POMT2: variants seen among roughly 807,000 people sequenced by gnomAD.
POMT2 encodes protein O-mannosyltransferase 2.
A neutral mutation model predicts 100.0 loss-of-function variants in POMT2; 75 were observed. That is an observed-to-expected ratio of 0.75 (90% CI 0.62 to 0.91). POMT2 has a LOEUF of 0.91. Ranked by LOEUF, POMT2 falls within the 40% of genes least tolerant of loss-of-function variation. POMT2 has a pLI of 0.00. For missense variants in POMT2, 940 were observed against 955.1 expected, an observed-to-expected ratio of 0.98 and a Z score of 0.21; for synonymous variants, 378 against 374.1, an observed-to-expected ratio of 1.01 and a Z score of -0.12.
chr14:77,290,508 T>G (rs1768241213), intron 10 of POMT2, among the ~76,000 whole-genome samples: 1 of 152,202 alleles, frequency 6.6e-6, no homozygotes. Context: ...GCAGCTGAGC[T>G]GGGATAGGCT....
intron 8 of POMT2, chr14:77,296,530 G>T: frequency 2.0e-6 from 1 of 502,366 alleles, no homozygotes; most frequent in South Asian, 2.4e-5. Flanking sequence ...AAAGCACTAC[G>T]TGTAACAGCA....
chr14:77,286,713 C>A (rs148993078), intron 12 of POMT2, 31 bp downstream of exon 12: 27 of 1,613,662 alleles, frequency 1.7e-5, no homozygotes, highest in Non-Finnish European at 2.3e-5. Flanking sequence ...ATAACTTTTA[C>A]GTCCTACTCA....
chr14:77,292,722 T>TATAC (rs1409789232), intron 9 of POMT2, among the ~76,000 whole-genome samples: 1 of 152,386 alleles, frequency 6.6e-6, no homozygotes, highest in East Asian at 1.9e-4. Flanking sequence ...ATATTTTTAC[T>TATAC]ATACCATTTC....
intron 2 of POMT2, among the ~76,000 whole-genome samples, chr14:77,308,152 G>A (rs1370576447): frequency 6.6e-6 from 1 of 151,008 alleles, no homozygotes; most frequent in Non-Finnish European, 1.5e-5. Context: ...GAGCCACCAC[G>A]CCTGGCCCCA....
At chr14:77,295,215 G>A (rs544097586) in intron 9 of POMT2, among the ~76,000 whole-genome samples, 1 of 152,252 alleles carries the variant, frequency 6.6e-6, no homozygotes, top group East Asian at 1.9e-4. Context: ...ACACAGCATC[G>A]TTCACTCATT....
At chr14:77,304,554 T>C in intron 4 of POMT2, 138 bp downstream of exon 4, 1 of 1,381,146 alleles carries the variant, frequency 7.2e-7, no homozygotes, top group Non-Finnish European at 9.9e-7. Context: ...TGAATGAGAT[T>C]TGTAGTACAT....
chr14:77,311,884 T>C (rs1891444580), intron 2 of POMT2, 65 bp downstream of exon 2: 3 of 1,576,732 alleles, frequency 1.9e-6, no homozygotes, highest in Middle Eastern at 3.4e-4. Context: ...AAAATCAAGA[T>C]GTGGCTCCAG....
Position 77,275,472 on chromosome 14 carries a change from C to G in POMT2, c.*1904G>C, listed in dbSNP as rs1291403214. 1 of 152,270 alleles carries G rather than the reference C, an allele frequency of 6.6e-6. No individual in the cohort carries two copies. The highest frequency in any genetic ancestry group is 1.5e-5 in the Non-Finnish European group (1 of 68,124). The allele number at this position is 152,270 out of a possible 1,614,324, so 9.4% of individuals were successfully genotyped here. The stretch of plus-strand genomic sequence containing the variant: ...GTTCCTACTGAGAAATAAGAAGGCA[C>G]AAAGGAAAATCAGCCACCTCCTGGA... On this transcript the variant is annotated 3_prime_UTR_variant, in exon 21 of 21. Transcript: ENST00000261534.
Position 77,302,959 on chromosome 14 carries a change from T to A in POMT2, c.548-16A>T. On this transcript the variant is annotated splice_polypyrimidine_tract_variant and intron_variant, in intron 4 of 20. Transcript: ENST00000261534. ...CATCCCGTGTCTGAAAAACATGAGC[T>A]CGCTGGTGAAAAAGCGAGGTAAGAG... 1 of 1,593,030 alleles carries A rather than the reference T, an allele frequency of 6.3e-7. No homozygotes were observed. The highest frequency in any genetic ancestry group is 2.2e-5 in the East Asian group (1 of 44,476).
chr14:77,278,326 G>T, intron 20 of POMT2, 68 bp downstream of exon 20: 1 of 1,257,550 alleles, frequency 8.0e-7, no homozygotes, highest in South Asian at 1.3e-5. Flanking sequence ...GGGGATTCTC[G>T]AATGCATCAG....
intron 15 of POMT2, among the ~76,000 whole-genome samples, chr14:77,282,654 CAG>C (rs1427258181): frequency 6.6e-6 from 1 of 152,154 alleles, no homozygotes; most frequent in Non-Finnish European, 1.5e-5. Flanking sequence ...CAGCTACAAG[CAG>C]AGAGTCAGAA....
At position 77,279,862 on chromosome 14, in the gene POMT2, C is replaced by G; in HGVS notation, c.1852G>C (p.Ala618Pro). The G allele has an allele frequency of 6.2e-7, 1 of 1,614,014 alleles. No individual in the cohort carries two copies. Among genetic ancestry groups the G allele is most frequent in the Non-Finnish European group, 8.5e-7 (1 of 1,180,010 alleles). The change falls in exon 18 of 21, where the codon GCC becomes CCC. Residue 618 changes from alanine to proline, a missense_variant. By Grantham distance (27) the Ala-to-Pro change is conservative. Transcript: ENST00000261534. Reference sequence around the variant, plus strand: ...GGCAGCCGTGCCCCTCTCTGCATGGCTACAGCAATGATGCTCCCTGAGAGG... The same window carrying G: ...GGCAGCCGTGCCCCTCTCTGCATGGGTACAGCAATGATGCTCCCTGAGAGG... The part of the protein sequence containing the change: ...YLLSGSIIAV[A>P]MQRGARLPAE...
rs551230843 is a variant in POMT2 at position 77,280,043 on chromosome 14, C to T, written c.1763G>A (p.Arg588Gln). The change falls in exon 17 of 21, where the codon CGA becomes CAA. Residue 588 changes from arginine (R) to glutamine (Q), a missense_variant. Transcript: ENST00000261534. ...RFSGVNDTDF[R>Q]VYLLGNPVVW... Reference sequence around the variant, plus strand: ...CACCGGGTTGCCAAGCAGATAGACTCGGAAATCTGTGTCATTGACCCCTGA... The same window carrying T: ...CACCGGGTTGCCAAGCAGATAGACTTGGAAATCTGTGTCATTGACCCCTGA... 2.5e-5 allele frequency: 40 copies of T among 1,613,918 alleles called. No individual in the cohort carries two copies. The highest frequency in any genetic ancestry group is 6.7e-5 in the African/African-American group (5 of 75,006).
intron 9 of POMT2, among the ~76,000 whole-genome samples, chr14:77,293,284 T>C (rs1890706952): frequency 6.6e-6 from 1 of 150,808 alleles, no homozygotes; most frequent in South Asian, 2.1e-4. Context: ...GAGCAGTCTT[T>C]GTGTGTCTGT....
intron 1 of POMT2, among the ~76,000 whole-genome samples, chr14:77,315,219 G>A (rs141732440): frequency 0.016 from 2,362 of 152,266 alleles, 35 homozygotes; most frequent in Middle Eastern, 0.041. Flanking sequence ...ATAGCAGTGC[G>A]CACAAGGACT....
chr14:77,311,668 T>C (rs2139517358), intron 2 of POMT2, among the ~76,000 whole-genome samples: 1 of 152,372 alleles, frequency 6.6e-6, no homozygotes, highest in East Asian at 1.9e-4. Flanking sequence ...TATCAGAACC[T>C]CATCCCTTTT....
chr14:77,316,402 A>G (rs1207153286), intron 1 of POMT2, among the ~76,000 whole-genome samples: 1 of 152,076 alleles, frequency 6.6e-6, no homozygotes, highest in Non-Finnish European at 1.5e-5. Flanking sequence ...GTGAGAACTC[A>G]GCTCTTAAAA....
intron 2 of POMT2, among the ~76,000 whole-genome samples, chr14:77,311,696 C>T (rs1167773145): frequency 6.6e-6 from 1 of 152,196 alleles, no homozygotes. Context: ...AAATATTATT[C>T]CACCATATGG....
Position 77,284,937 on chromosome 14 carries a change from T to C in POMT2, c.1576+13A>G. The C allele has an allele frequency of 6.3e-7, 1 of 1,585,904 alleles. No homozygotes were observed. The highest frequency in any genetic ancestry group is 1.1e-5 in the South Asian group (1 of 90,502). ...TTCCCTCCAGAGCCAGCCCAGAAAGTGACCTCACTCACACTTGGGATTGAT... is the reference window on the plus strand; with the variant it reads ...TTCCCTCCAGAGCCAGCCCAGAAAGCGACCTCACTCACACTTGGGATTGAT... On this transcript the variant is annotated intron_variant, in intron 14 of 20. Coordinates refer to ENST00000261534, the MANE Select transcript of POMT2 (RefSeq NM_013382.7).
Sources: allele counts gnomAD v4.1 joint callset (sites outside exome capture counted in the v4.1 genomes callset), GRCh38; gene constraint gnomAD v4.1.1; transcripts MANE v1.5; gene names NCBI Gene and HGNC (gene_info 2026-07-23, HGNC 2026-07-21).